Variants in GAS2 observed in about 807,000 individuals in gnomAD.
The protein encoded by GAS2 is growth arrest specific 2.
In GAS2, 20 loss-of-function variants were observed where a neutral mutation model predicts 37.5. The ratio of observed to expected loss-of-function variants is 0.53; its 90% confidence interval spans 0.37 to 0.77. The LOEUF is 0.77. Ranked by LOEUF, GAS2 falls within the 30% of genes least tolerant of loss-of-function variation. The pLI is 0.00. For synonymous variants in GAS2, 144 were observed against 132.2 expected (o/e 1.09, Z -0.61); for missense variants, 336 against 373.4 (o/e 0.90, Z 0.82).
intron 7 of GAS2, among the ~76,000 whole-genome samples, chr11:22,810,321 G>A (rs1434298912): frequency 2.1e-5 from 3 of 145,156 alleles, no homozygotes; most frequent in South Asian, 2.2e-4. Flanking sequence ...GTCCAGATGC[G>A]GTGTTCTGGT....
chr11:22,717,451 A>G (rs12224958), intron 3 of GAS2, among the ~76,000 whole-genome samples: 21,262 of 152,146 alleles, frequency 0.14, 1,668 homozygotes, highest in East Asian at 0.2. Context: ...CACATGTAGA[A>G]GAATGAAACT....
chr11:22,682,064 C>G (rs993670457), intron 2 of GAS2, among the ~76,000 whole-genome samples: 9 of 151,940 alleles, frequency 5.9e-5, no homozygotes, highest in Non-Finnish European at 1.2e-4. Flanking sequence ...TACATTTCAA[C>G]TATAAAGTAT....
At chr11:22,652,766 C>T (rs939056039) in intron 1 of GAS2, among the ~76,000 whole-genome samples, 6 of 152,224 alleles carry the variant, frequency 3.9e-5, no homozygotes, top group South Asian at 4.1e-4. Flanking sequence ...GGCAATGCCT[C>T]GCCCTGCTTC....
At chr11:22,782,337 G>A (rs1029702795) in intron 7 of GAS2, among the ~76,000 whole-genome samples, 4 of 152,122 alleles carry the variant, frequency 2.6e-5, no homozygotes, top group Non-Finnish European at 5.9e-5. Flanking sequence ...GAAACCAGAA[G>A]TTTAAAAGAA....
Position 22,741,361 on chromosome 11 carries a change from T to C in GAS2, c.473+3593T>C, listed in dbSNP as rs141892386. On this transcript the variant is annotated intron_variant, in intron 5 of 7. Coordinates refer to ENST00000454584, the MANE Select transcript of GAS2 (RefSeq NM_001143830.3). Reference sequence around the variant, plus strand: ...AAGTTAATAAAACCTCAAAGATATTTTTACTGACAGTGTTTTGATATTCAT... The same window carrying C: ...AAGTTAATAAAACCTCAAAGATATTCTTACTGACAGTGTTTTGATATTCAT... Among the ~76,000 whole-genome samples, 857 of 152,272 alleles carry C rather than the reference T, an allele frequency of 5.6e-3. 14 individuals carry two copies. Among genetic ancestry groups the C allele is most frequent in the African/African-American group, 0.019 (776 of 41,562 alleles).
intron 7 of GAS2, among the ~76,000 whole-genome samples, chr11:22,760,785 T>C (rs1309973775): frequency 6.6e-6 from 1 of 152,216 alleles, no homozygotes; most frequent in East Asian, 1.9e-4. Flanking sequence ...TTTTCTGTTC[T>C]TCAAATTTCT....
chr11:22,789,444 A>T (rs1473678207), intron 7 of GAS2, among the ~76,000 whole-genome samples: 24 of 98,920 alleles, frequency 2.4e-4, no homozygotes, highest in African/African-American at 8.4e-4. Context: ...ATATATATAT[A>T]TATATATATA....
chr11:22,790,056 T>C (rs1856066616), intron 7 of GAS2, among the ~76,000 whole-genome samples: 1 of 152,186 alleles, frequency 6.6e-6, no homozygotes, highest in Non-Finnish European at 1.5e-5. Flanking sequence ...TTAAATGGGT[T>C]ATGTGTACCC....
In GAS2 at chr11:22,755,890, G is replaced by T. The variant is rs754477113; in HGVS notation, c.660G>T (p.Lys220Asn). The T allele has an allele frequency of 1.9e-6, 3 of 1,613,054 alleles. No homozygotes were observed. The highest frequency in any genetic ancestry group is 2.5e-6 in the Non-Finnish European group (3 of 1,179,336). The change falls in exon 7 of 8, where the codon AAG becomes AAT. Residue 220 changes from lysine to asparagine, a missense_variant. Transcript: ENST00000454584. ...ATCCTCCTTGCAAATGCCCAAACAAGTTCTGTGTGGAGCGGCTCTCCCAAG... is the reference window on the plus strand; with the variant it reads ...ATCCTCCTTGCAAATGCCCAAACAATTTCTGTGTGGAGCGGCTCTCCCAAG... ...SEDPPCKCPN[K>N]FCVERLSQGR...
intron 1 of GAS2, among the ~76,000 whole-genome samples, chr11:22,657,262 G>C (rs1565069167): frequency 6.6e-6 from 1 of 152,198 alleles, no homozygotes; most frequent in Non-Finnish European, 1.5e-5. Flanking sequence ...AGCCACACAG[G>C]GGTTGGGCCC....
intron 1 of GAS2, among the ~76,000 whole-genome samples, chr11:22,655,775 A>G (rs564686103): frequency 2.6e-5 from 4 of 152,346 alleles, no homozygotes; most frequent in African/African-American, 9.6e-5. Flanking sequence ...TAAGATGTAA[A>G]TAATATTCTT....
intron 1 of GAS2, among the ~76,000 whole-genome samples, chr11:22,657,563 GCA>G (rs1848870428): frequency 6.6e-6 from 1 of 152,014 alleles, no homozygotes; most frequent in African/African-American, 2.4e-5. Flanking sequence ...ACACTCACAT[GCA>G]CACACACAGG....
chr11:22,780,733 C>T (rs1239226642), intron 7 of GAS2, among the ~76,000 whole-genome samples: 1 of 151,642 alleles, frequency 6.6e-6, no homozygotes. Flanking sequence ...CAATACTTTG[C>T]CATCACTGGT....
At position 22,714,473 on chromosome 11, in the gene GAS2, C is replaced by T. The variant is rs371669952; in HGVS notation, c.268-11819C>T. On this transcript the variant is annotated intron_variant, in intron 3 of 7. Transcript: ENST00000454584. ...GACAGCACTAGATAGATCATCAAGA[C>T]AGAAAGTCAACAAAGAAACAGTGGA... Among the ~76,000 whole-genome samples, 210 of 152,218 alleles carry T rather than the reference C, an allele frequency of 1.4e-3. 1 individual carries two copies. The highest frequency in any genetic ancestry group is 4.9e-3 in the African/African-American group (202 of 41,534).
intron 4 of GAS2, 60 bp downstream of exon 4, chr11:22,726,493 C>T: frequency 6.8e-7 from 1 of 1,472,038 alleles, no homozygotes; most frequent in Non-Finnish European, 9.3e-7. Flanking sequence ...TTGTCTTTGT[C>T]AGTATAGCCA....
chr11:22,656,908 G>A (rs1474144067), intron 1 of GAS2, among the ~76,000 whole-genome samples: 1 of 152,010 alleles, frequency 6.6e-6, no homozygotes, highest in African/African-American at 2.4e-5. Context: ...CATTTCTTTA[G>A]CTTTAACTTT....
chr11:22,647,073 T>G, intron 1 of GAS2, among the ~76,000 whole-genome samples: 1 of 76,036 alleles, frequency 1.3e-5, no homozygotes, highest in Admixed American at 1.7e-4. Flanking sequence ...CCTTCCCCCC[T>G]CCCCCCACCC....
intron 1 of GAS2, among the ~76,000 whole-genome samples, chr11:22,645,654 G>T (rs1324731188): frequency 6.6e-6 from 1 of 151,754 alleles, no homozygotes; most frequent in Non-Finnish European, 1.5e-5. Flanking sequence ...CAAAATTAGG[G>T]ATCACAGTCA....
intron 3 of GAS2, chr11:22,688,420 G>C (rs1324238999): frequency 2.6e-5 from 4 of 152,004 alleles, no homozygotes; most frequent in African/African-American, 9.7e-5. Context: ...GGTCGGGCCT[G>C]GTTAGGCCTT....
Sources: allele counts gnomAD v4.1 joint callset (sites outside exome capture counted in the v4.1 genomes callset), GRCh38; gene constraint gnomAD v4.1.1; transcripts MANE v1.5; gene names NCBI Gene and HGNC (gene_info 2026-07-23, HGNC 2026-07-21).